DNAH9: variants seen among roughly 807,000 people sequenced by gnomAD.
DNAH9 encodes DNAH9 variant protein.
DNAH9 carries 345 observed loss-of-function variants against 471.6 expected under a neutral mutation model. The observed-to-expected ratio is 0.73, with a 90% CI of 0.67 to 0.80. DNAH9 has a LOEUF of 0.80. Among genes scored for constraint, DNAH9 ranks in the 30% least tolerant of loss-of-function variants. The probability of loss-of-function intolerance (pLI) is 0.00; values close to 1 mark genes in which losing one functional copy is unlikely to be tolerated. For missense variants in DNAH9, 5,407 were observed against 5,609.2 expected (o/e 0.96, Z 1.15); for synonymous variants, 2,093 against 2,123.6 (o/e 0.99, Z 0.40).
intron 68 of DNAH9, among the ~76,000 whole-genome samples, chr17:11,969,073 C>G (rs1222754337): frequency 6.6e-6 from 1 of 152,172 alleles, no homozygotes; most frequent in Non-Finnish European, 1.5e-5. Flanking sequence ...ATGATAATAG[C>G]TTTTGGAACT....
chr17:11,690,246 A>T lies in DNAH9; in HGVS notation c.4424A>T (p.Asn1475Ile). ...GACCTCATAGAGGTTCTGGAGGATA[A>T]TCAAGTTCAACTTCAGAACCTGGTG... ...DEDLIEVLED[N>I]QVQLQNLVMS... The change falls in exon 20 of 69, where the codon AAT becomes ATT. Residue 1475 changes from asparagine (N) to isoleucine (I), a missense_variant. By Grantham distance (149) the Asn-to-Ile change is moderately radical. Transcript: ENST00000262442. 6.2e-7 allele frequency: 1 copy of T among 1,614,162 alleles called. No homozygotes were observed. Among genetic ancestry groups the T allele is most frequent in the Non-Finnish European group, 8.5e-7 (1 of 1,180,024 alleles).
intron 41 of DNAH9, among the ~76,000 whole-genome samples, chr17:11,792,240 C>A (rs1303839665): frequency 6.6e-6 from 1 of 152,172 alleles, no homozygotes; most frequent in Non-Finnish European, 1.5e-5. Context: ...CACCGTTGCA[C>A]TCCAGCCTGG....
intron 8 of DNAH9, among the ~76,000 whole-genome samples, chr17:11,635,653 T>C (rs774165720): frequency 3.3e-5 from 5 of 152,142 alleles, no homozygotes; most frequent in African/African-American, 7.2e-5. Context: ...TGGTATATCC[T>C]AAATATAACT....
intron 1 of DNAH9, among the ~76,000 whole-genome samples, chr17:11,600,443 C>A (rs1055434492): frequency 6.6e-6 from 1 of 152,134 alleles, no homozygotes; most frequent in African/African-American, 2.4e-5. Flanking sequence ...AGGCCCATCT[C>A]AGAGTTGTGT....
intron 45 of DNAH9, among the ~76,000 whole-genome samples, chr17:11,811,307 C>T (rs1047038249): frequency 5.0e-4 from 76 of 150,954 alleles, no homozygotes; most frequent in Admixed American, 8.6e-4. Flanking sequence ...AGCGAGACTC[C>T]GTCTCAATTT....
In DNAH9 at chr17:11,769,338, C is replaced by T; in HGVS notation, c.7552+9C>T. On this transcript the variant is annotated intron_variant, in intron 38 of 68. Transcript: ENST00000262442. ...GTCAGCAATGCTGCAGGGTAAGCAG[C>T]CCAGGGCACCTGGGGTGGGGGGCAT... is the stretch of plus-strand genomic sequence containing the variant. 5 of 1,602,848 alleles carry T rather than the reference C, an allele frequency of 3.1e-6. No homozygotes were observed. The highest frequency in any genetic ancestry group is 3.4e-6 in the Non-Finnish European group (4 of 1,175,042).
chr17:11,822,156 G>A (rs2150940859), intron 46 of DNAH9, 94 bp downstream of exon 46: 1 of 1,426,948 alleles, frequency 7.0e-7, no homozygotes, highest in Non-Finnish European at 9.4e-7. Context: ...CTTATTGATT[G>A]TCTAGAGTAG....
At chr17:11,967,750 T>C (rs1030174620) in intron 68 of DNAH9, among the ~76,000 whole-genome samples, 1 of 152,092 alleles carries the variant, frequency 6.6e-6, no homozygotes, top group African/African-American at 2.4e-5. Flanking sequence ...AGAAAACAGA[T>C]GGAAACAGAT....
At chr17:11,684,695 A>G (rs780094138) in intron 19 of DNAH9, among the ~76,000 whole-genome samples, 5 of 152,210 alleles carry the variant, frequency 3.3e-5, no homozygotes, top group African/African-American at 4.8e-5. Context: ...TCGTGTTTTC[A>G]GCAGGCGACC....
At chr17:11,665,033 T>G in intron 15 of DNAH9, 65 bp downstream of exon 15, 3 of 1,449,406 alleles carry the variant, frequency 2.1e-6, no homozygotes, top group Non-Finnish European at 2.9e-6. Context: ...TTTGTTGAAT[T>G]ATATTGAAGA....
In DNAH9 at chr17:11,923,339, C is replaced by CA. The variant is rs201096504; in HGVS notation, c.11750-472dup. Among the ~76,000 whole-genome samples the CA allele has an allele frequency of 2.6e-3, 402 of 152,020 alleles. 5 individuals carry two copies. The highest frequency in any genetic ancestry group is 0.025 in the East Asian group (128 of 5,136). Reference sequence around the variant, plus strand: ...TGATCCACCTGCTGCCTCAGCCTCCCAAAGTGCTGGGATTACAGGAGTGAG... The same window carrying CA: ...TGATCCACCTGCTGCCTCAGCCTCCCAAAAGTGCTGGGATTACAGGAGTGAG... On this transcript the variant is annotated intron_variant, in intron 61 of 68. Coordinates refer to ENST00000262442, the MANE Select transcript of DNAH9 (RefSeq NM_001372.4).
Position 11,689,875 on chromosome 17 carries a change from G to A in DNAH9, c.4053G>A (p.Arg1351=), listed in dbSNP as rs1290181260. The A allele has an allele frequency of 1.2e-6, 2 of 1,608,792 alleles. No homozygotes were observed. Among genetic ancestry groups the A allele is most frequent in the Admixed American group, 3.4e-5 (2 of 59,010 alleles). Residue 1351 remains arginine, a synonymous_variant, in exon 20 of 69, where the codon AGG becomes AGA. Transcript: ENST00000262442. ...RHIRNLDKEV[R]AWDAFTGLES... ...TCCGAAACCTGGACAAGGAGGTCAG[G>A]GCCTGGGATGCATTCACAGGCCTGG...
At chr17:11,615,810 A>G (rs756004477) in intron 4 of DNAH9, among the ~76,000 whole-genome samples, 5 of 152,204 alleles carry the variant, frequency 3.3e-5, no homozygotes, top group African/African-American at 4.8e-5. Flanking sequence ...CTATAGCATG[A>G]TAGTCTCAGC....
intron 49 of DNAH9, among the ~76,000 whole-genome samples, chr17:11,850,584 G>A (rs1215601732): frequency 6.6e-6 from 1 of 151,576 alleles, no homozygotes; most frequent in East Asian, 1.9e-4. Context: ...CCGGGAGGTG[G>A]AGGTTGCAGT....
Position 11,619,666 on chromosome 17 carries a change from G to T in DNAH9, c.1235G>T (p.Arg412Met). 2 of 1,613,872 alleles carry T rather than the reference G, an allele frequency of 1.2e-6. No individual in the cohort carries two copies. The highest frequency in any genetic ancestry group is 1.7e-6 in the Non-Finnish European group (2 of 1,179,740). Reference protein sequence around the residue: ...SFFKQEFQDRRENLHTYFKEN... With the variant: ...SFFKQEFQDRMENLHTYFKEN... ...TTCAAGCAAGAGTTTCAGGACAGAA[G>T]GGAGAATCTCCACACTTACTTCAAA... is the stretch of plus-strand genomic sequence containing the variant. The change falls in exon 6 of 69, where the codon AGG (arginine) becomes ATG (methionine). Residue 412 changes from arginine to methionine, a missense_variant. Coordinates refer to ENST00000262442, the MANE Select transcript of DNAH9 (RefSeq NM_001372.4).
chr17:11,902,968 G>C (rs1279455468), intron 60 of DNAH9, 56 bp downstream of exon 60: 17 of 1,550,176 alleles, frequency 1.1e-5, no homozygotes, highest in Admixed American at 1.9e-5. Flanking sequence ...GGCAACCTCA[G>C]GACAACTGGA....
At position 11,750,282 on chromosome 17, in the gene DNAH9, AT is replaced by A. The variant is rs1035676784; in HGVS notation, c.6610+2522del. Among the ~76,000 whole-genome samples the A allele has an allele frequency of 1.7e-4, 25 of 151,078 alleles. No homozygotes were observed. In the South Asian group the frequency reaches 1.9e-3, roughly 11 times the overall value. Reference sequence around the variant, plus strand: ...GACCCCATGTCTACCAAAAAAAAAAATTTTTTGGATAACTTTAAAAGAATAC... The same window carrying A: ...GACCCCATGTCTACCAAAAAAAAAAATTTTTGGATAACTTTAAAAGAATAC... On this transcript the variant is annotated intron_variant, in intron 32 of 68. Coordinates refer to ENST00000262442, the MANE Select transcript of DNAH9 (RefSeq NM_001372.4).
In DNAH9 at chr17:11,810,429, A is replaced by G. The variant is rs866822854; in HGVS notation, c.8707+60A>G. On this transcript the variant is annotated intron_variant, in intron 45 of 68. Coordinates refer to ENST00000262442, the MANE Select transcript of DNAH9 (RefSeq NM_001372.4). ...ATTCCCCCTGGAATCAGAGTTATAC[A>G]AAGGTGAAGATTTCGTCCAGGGTGG... is the stretch of plus-strand genomic sequence containing the variant. The G allele has an allele frequency of 1.7e-5, 26 of 1,566,776 alleles. 1 individual carries two copies. The African/African-American group carries it at 3.0e-4, about 18-fold the overall frequency.
At chr17:11,611,512 C>A in intron 3 of DNAH9, 138 bp from the exon 4 acceptor site, 1 of 845,354 alleles carries the variant, frequency 1.2e-6, no homozygotes, top group Non-Finnish European at 1.9e-6. Flanking sequence ...GATGTCCAGG[C>A]TCTTTGGGCT....
Sources: gnomAD v4.1 joint callset for allele counts (sites outside exome capture counted in the v4.1 genomes callset) on GRCh38, gnomAD v4.1.1 for gene constraint, MANE v1.5 for transcripts, NCBI Gene and HGNC (gene_info 2026-07-23, HGNC 2026-07-21) for gene names.